CREBRF: variants seen among roughly 807,000 people sequenced by gnomAD.
CREBRF encodes UPF0474 protein C5orf41.
In CREBRF, 5 loss-of-function variants were observed where a neutral mutation model predicts 66.1. That is an observed-to-expected ratio of 0.08 (90% confidence interval 0.04 to 0.16). The LOEUF (loss-of-function observed/expected upper bound fraction) is 0.16, where lower values mean the gene tolerates loss of function less well. Ranked by LOEUF, CREBRF falls within the 10% of genes least tolerant of loss-of-function variation. CREBRF has a pLI of 1.00. For missense variants in CREBRF, 531 were observed against 744.9 expected, an observed-to-expected ratio of 0.71 and a Z score of 3.34; for synonymous variants, 229 against 264.4, an observed-to-expected ratio of 0.87 and a Z score of 1.30.
chr5:173,113,894 G>A (rs1758925115), intron 7 of CREBRF, among the ~76,000 whole-genome samples: 1 of 152,100 alleles, frequency 6.6e-6, no homozygotes, highest in Admixed American at 6.5e-5. Context: ...CCCTTATTTT[G>A]TTTAAGCCTG....
chr5:173,123,314 T>G, intron 8 of CREBRF, 112 bp downstream of exon 8: 1 of 970,484 alleles, frequency 1.0e-6, no homozygotes, highest in Non-Finnish European at 1.5e-6. Context: ...GTGCTCTCAT[T>G]GTAATTACTC....
At chr5:173,061,102 G>A (rs1303333322) in intron 1 of CREBRF, among the ~76,000 whole-genome samples, 1 of 152,094 alleles carries the variant, frequency 6.6e-6, no homozygotes, top group African/African-American at 2.4e-5. Context: ...TGAGTAGCTG[G>A]GATTACAGGC....
intron 1 of CREBRF, among the ~76,000 whole-genome samples, chr5:173,072,160 T>G (rs1308983005): frequency 1.3e-5 from 2 of 152,182 alleles, no homozygotes; most frequent in Non-Finnish European, 2.9e-5. Context: ...CAGGCTGAAG[T>G]GCAGTGGCAC....
At chr5:173,084,031 A>G (rs1190270659) in intron 2 of CREBRF, among the ~76,000 whole-genome samples, 2 of 152,252 alleles carry the variant, frequency 1.3e-5, no homozygotes, top group Non-Finnish European at 2.9e-5. Context: ...AGTGTGGCCT[A>G]GAAAACAGAG....
chr5:173,096,781 T>C (rs1052125565), intron 4 of CREBRF, among the ~76,000 whole-genome samples: 2 of 152,216 alleles, frequency 1.3e-5, no homozygotes, highest in South Asian at 4.1e-4. Flanking sequence ...TGAAAGCATG[T>C]TGATTTTTTA....
At chr5:173,102,120 T>C (rs955355537) in intron 4 of CREBRF, among the ~76,000 whole-genome samples, 4 of 152,232 alleles carry the variant, frequency 2.6e-5, no homozygotes, top group African/African-American at 9.6e-5. Context: ...GTTCTTCAGC[T>C]CTAGATTGCA....
At chr5:173,104,904 T>TA (rs1443766257) in intron 4 of CREBRF, among the ~76,000 whole-genome samples, 1 of 152,178 alleles carries the variant, frequency 6.6e-6, no homozygotes, top group East Asian at 1.9e-4. Context: ...ACAGAAGAAA[T>TA]AAAAAAATCT....
intron 4 of CREBRF, among the ~76,000 whole-genome samples, chr5:173,096,257 C>T (rs562093496): frequency 6.6e-6 from 1 of 152,216 alleles, no homozygotes; most frequent in African/African-American, 2.4e-5. Context: ...GCGTGAGCCA[C>T]TGCGCCCAGC....
At chr5:173,078,204 C>A (rs1398672570) in intron 1 of CREBRF, among the ~76,000 whole-genome samples, 1 of 152,186 alleles carries the variant, frequency 6.6e-6, no homozygotes, top group African/African-American at 2.4e-5. Context: ...TCTCTATATC[C>A]TTGCCAATAT....
At chr5:173,121,838 T>A (rs535457200) in intron 7 of CREBRF, among the ~76,000 whole-genome samples, 2 of 151,846 alleles carry the variant, frequency 1.3e-5, no homozygotes, top group Admixed American at 1.3e-4. Flanking sequence ...ATGTCTACAG[T>A]GTGTTGTCTT....
At chr5:173,119,634 C>T (rs1418103283) in intron 7 of CREBRF, among the ~76,000 whole-genome samples, 1 of 151,886 alleles carries the variant, frequency 6.6e-6, no homozygotes, top group Non-Finnish European at 1.5e-5. Flanking sequence ...GTTTTTCTGC[C>T]TTATCAAAAT....
intron 1 of CREBRF, among the ~76,000 whole-genome samples, chr5:173,062,197 CA>C (rs1211120845): frequency 6.6e-6 from 1 of 152,180 alleles, no homozygotes; most frequent in Non-Finnish European, 1.5e-5. Flanking sequence ...AACCACTTCT[CA>C]AATCTGGATT....
At chr5:173,089,068 A>G (rs1293352445) in intron 3 of CREBRF, among the ~76,000 whole-genome samples, 2 of 151,662 alleles carry the variant, frequency 1.3e-5, no homozygotes, top group Non-Finnish European at 2.9e-5. Flanking sequence ...AATCTCAGCA[A>G]TTCAGGAGGC....
chr5:173,112,378 T>C lies in CREBRF; in HGVS notation c.1680T>C (p.Tyr560=), dbSNP rs1233572410. ...KVKLWGLNTE[Y]DNLLFVINSI... is the part of the protein sequence containing the mutation. ...AATTATGGGGCCTCAACACAGAATA[T>C]GGTAAACCTAAAGTTTTAAGAAGTT... Residue 560 remains tyrosine (Y), a splice_region_variant and synonymous_variant, in exon 7 of 9, where the codon TAT becomes TAC. Transcript: ENST00000296953. The C allele has an allele frequency of 6.3e-7, 1 of 1,578,592 alleles. No individual in the cohort carries two copies. The highest frequency in any genetic ancestry group is 8.6e-7 in the Non-Finnish European group (1 of 1,159,072).
chr5:173,082,014 T>TTTTTTTTTTTTGTTTTTG (rs1757966276), intron 2 of CREBRF, among the ~76,000 whole-genome samples: 1 of 113,784 alleles, frequency 8.8e-6, no homozygotes, highest in Non-Finnish European at 1.9e-5. Context: ...TTTTTTTTTT[T>TTTTTTTTTTTTGTTTTTG]TTTTTTTTTT....
chr5:173,122,569 TTTATTATTA>T (rs200659735), intron 7 of CREBRF, among the ~76,000 whole-genome samples: 2,121 of 132,050 alleles, frequency 0.016, 31 homozygotes, highest in South Asian at 0.037. Flanking sequence ...TATTATTTCT[TTTATTATTA>T]TTATTATTAT....
Position 173,086,197 on chromosome 5 carries a change from T to C in CREBRF, c.10-304T>C, listed in dbSNP as rs191738712. 5.2e-6 allele frequency: 4 copies of C among 765,154 alleles called. No individual in the cohort carries two copies. The East Asian group carries it at 7.4e-5, about 14-fold the overall frequency. 47.4% of individuals were successfully genotyped at this position (765,154 alleles called of 1,614,324 possible). A position where few individuals can be genotyped will look rare whatever the true frequency, so the allele number is the denominator to read the frequency against. Reference sequence around the variant, plus strand: ...GCACCATCACCCACAACATATTTAATTGTCTGCATTGCTGAAATAGTTTTG... The same window carrying C: ...GCACCATCACCCACAACATATTTAACTGTCTGCATTGCTGAAATAGTTTTG... On this transcript the variant is annotated intron_variant, in intron 2 of 8. Transcript: ENST00000296953.
chr5:173,092,972 T>C lies in CREBRF; in HGVS notation c.1222+1571T>C, dbSNP rs74654855. On this transcript the variant is annotated intron_variant, in intron 4 of 8. Coordinates refer to ENST00000296953, the MANE Select transcript of CREBRF (RefSeq NM_153607.3). ...TTTTTCTCTTGGCAAGTGAATAAAA[T>C]CTGCTTTGAGATATTTCAAGGAGAC... 3.7e-3 allele frequency among the ~76,000 whole-genome samples: 560 copies of C among 152,328 alleles called. 3 individuals carry two copies. Among genetic ancestry groups the C allele is most frequent in the African/African-American group, 0.013 (536 of 41,576 alleles).
chr5:173,064,559 ATTT>A (rs1217486982), intron 1 of CREBRF, among the ~76,000 whole-genome samples: 2 of 107,634 alleles, frequency 1.9e-5, no homozygotes, highest in South Asian at 2.9e-4. Flanking sequence ...CACCTGGTTA[ATTT>A]TTTTTTTTTT....
Sources: gnomAD v4.1 joint callset for allele counts (sites outside exome capture counted in the v4.1 genomes callset) on GRCh38, gnomAD v4.1.1 for gene constraint, MANE v1.5 for transcripts, NCBI Gene and HGNC (gene_info 2026-07-23, HGNC 2026-07-21) for gene names.